NDUFS1: variants seen among roughly 807,000 people sequenced by gnomAD.
NDUFS1 encodes the protein NADH-ubiquinone oxidoreductase 75 kDa subunit, mitochondrial.
NDUFS1 carries 61 observed loss-of-function variants against 84.4 expected under a neutral mutation model. That is an observed-to-expected ratio of 0.72 (90% CI 0.59 to 0.89). The LOEUF (loss-of-function observed/expected upper bound fraction) is 0.89. Among genes scored for constraint, NDUFS1 ranks in the 40% least tolerant of loss-of-function variants. NDUFS1 has a pLI of 0.00. For missense variants in NDUFS1, 891 were observed against 890.0 expected, an observed-to-expected ratio of 1.00 and a Z score of -0.01; for synonymous variants, 275 against 290.0, an observed-to-expected ratio of 0.95 and a Z score of 0.53.
chr2:206,130,222 G>A lies in NDUFS1; in HGVS notation c.1574C>T (p.Ala525Val). ...CCCAGGCTTATAGCCAAGGTCCAAA[G>A]CAGCTACTTGACTTGCAATCCTGCA... ...ILHRIASQVA[A>V]LDLGYKPGVE... Residue 525 changes from alanine (A) to valine (V), a missense_variant, in exon 15 of 19, where the codon GCT becomes GTT. By Grantham distance (64) the Ala-to-Val change is moderately conservative (BLOSUM62 0). Coordinates refer to ENST00000233190, the MANE Select transcript of NDUFS1 (RefSeq NM_005006.7). 1 of 1,614,100 alleles carries A rather than the reference G, an allele frequency of 6.2e-7. No homozygotes were observed.
At chr2:206,158,413 G>A (rs1687762524) in intron 1 of NDUFS1, among the ~76,000 whole-genome samples, 1 of 152,052 alleles carries the variant, frequency 6.6e-6, no homozygotes, top group South Asian at 2.1e-4. Context: ...CAGTTTCATT[G>A]ACCAGGCTAT....
Position 206,147,676 on chromosome 2 carries a change from GAAA to G in NDUFS1, c.421-18_421-16del, listed in dbSNP as rs756137601. The G allele has an allele frequency of 1.2e-6, 2 of 1,614,038 alleles. No individual in the cohort carries two copies. The highest frequency in any genetic ancestry group is 2.2e-5 in the South Asian group (2 of 91,052). On this transcript the variant is annotated splice_polypyrimidine_tract_variant and intron_variant, in intron 6 of 18. Transcript: ENST00000233190. ...ATGGACTGGTCCTTAAGTAGATTAT[GAAA>G]GAGTCAATCTCATGCTGCTAATAAA...
chr2:206,156,447 C>T (rs1365523173), intron 1 of NDUFS1, among the ~76,000 whole-genome samples: 1 of 151,362 alleles, frequency 6.6e-6, no homozygotes, highest in East Asian at 1.9e-4. Flanking sequence ...TGGTGGCATG[C>T]GCCTGTGGTC....
chr2:206,138,802 T>G (rs533342137), intron 12 of NDUFS1, among the ~76,000 whole-genome samples, 188 bp from the exon 13 acceptor site: 2 of 152,292 alleles, frequency 1.3e-5, no homozygotes, highest in African/African-American at 4.8e-5. Flanking sequence ...GGCAATTCAG[T>G]GATTTAATTT....
intron 2 of NDUFS1, among the ~76,000 whole-genome samples, chr2:206,153,220 G>A (rs528156080): frequency 3.4e-5 from 5 of 148,600 alleles, no homozygotes; most frequent in Non-Finnish European, 7.4e-5. Context: ...TTCCAAGATG[G>A]AGTCTCGATC....
At chr2:206,124,412 C>G in intron 18 of NDUFS1, 136 bp from the exon 19 acceptor site, 1 of 684,126 alleles carries the variant, frequency 1.5e-6, no homozygotes, top group Non-Finnish European at 2.6e-6. Context: ...TATATGTAAC[C>G]AACAGATTCC....
chr2:206,148,991 G>A (rs775103939), intron 5 of NDUFS1, 29 bp downstream of exon 5: 1 of 1,494,968 alleles, frequency 6.7e-7, no homozygotes, highest in East Asian at 2.3e-5. Context: ...CTTTATGAAA[G>A]GGTACTACAT....
chr2:206,151,941 C>T (rs1692384978), intron 3 of NDUFS1, among the ~76,000 whole-genome samples: 1 of 152,192 alleles, frequency 6.6e-6, no homozygotes, highest in Non-Finnish European at 1.5e-5. Flanking sequence ...TCTCGGCTCA[C>T]TGCAACCTCC....
At position 206,127,559 on chromosome 2, in the gene NDUFS1, C is replaced by T. The variant is rs1575946003; in HGVS notation, c.1884+238G>A. 8 of 424,052 alleles carry T rather than the reference C, an allele frequency of 1.9e-5. No individual in the cohort carries two copies. The East Asian group carries it at 3.2e-4, about 17-fold the overall frequency. 26.3% of individuals were successfully genotyped at this position (424,052 alleles called of 1,614,324 possible). ...AAATAAAAGCACCAATTTCAAGTTC[C>T]TTTATTTTTTAAGAGACAGGGTCTT... On this transcript the variant is annotated intron_variant, in intron 16 of 18. Coordinates refer to ENST00000233190, the MANE Select transcript of NDUFS1 (RefSeq NM_005006.7).
rs1297596256 is a variant in NDUFS1 at position 206,123,298 on chromosome 2, G to A, written c.*887C>T. 2.0e-5 allele frequency: 3 copies of A among 150,330 alleles called. No individual in the cohort carries two copies. The highest frequency in any genetic ancestry group is 7.3e-5 in the African/African-American group (3 of 40,922). 9.3% of individuals were successfully genotyped at this position (150,330 alleles called of 1,614,324 possible). A position where few individuals can be genotyped will look rare whatever the true frequency, so the allele number is the denominator to read the frequency against. On this transcript the variant is annotated 3_prime_UTR_variant, in exon 19 of 19. Transcript: ENST00000233190. ...TCTCTTGAGACCTCCCTCATTCCAA[G>A]GGAGGTCTCATAAGTATACATGCAT...
intron 3 of NDUFS1, among the ~76,000 whole-genome samples, chr2:206,151,047 G>A (rs555834681): frequency 6.6e-6 from 1 of 152,066 alleles, no homozygotes; most frequent in East Asian, 1.9e-4. Flanking sequence ...CATTCCCATT[G>A]ACACTATCTA....
At chr2:206,132,887 C>A (rs1273783479) in intron 14 of NDUFS1, 58 bp downstream of exon 14, 1 of 1,438,938 alleles carries the variant, frequency 6.9e-7, no homozygotes, top group African/African-American at 1.4e-5. Context: ...ATCAGGAACA[C>A]ATACATATAC....
intron 10 of NDUFS1, among the ~76,000 whole-genome samples, chr2:206,143,362 A>G (rs1302508595): frequency 6.6e-6 from 1 of 152,220 alleles, no homozygotes; most frequent in African/African-American, 2.4e-5. Flanking sequence ...CTTAGAAGGA[A>G]GCTGTTTTAT....
chr2:206,143,930 G>C, intron 10 of NDUFS1, 88 bp downstream of exon 10: 1 of 1,069,314 alleles, frequency 9.4e-7, no homozygotes, highest in South Asian at 1.3e-5. Context: ...AAGTAAAAAA[G>C]GGAAGAAATA....
Position 206,126,529 on chromosome 2 carries a change from A to G in NDUFS1, c.2092+10T>C, listed in dbSNP as rs1559041683. On this transcript the variant is annotated intron_variant, in intron 18 of 18. Transcript: ENST00000233190. Reference sequence around the variant, plus strand: ...TCGTATTTGGCAGAGTCATGTTGACAATTACATACCTGTCATGTAGAAGTC... The same window carrying G: ...TCGTATTTGGCAGAGTCATGTTGACGATTACATACCTGTCATGTAGAAGTC... The G allele has an allele frequency of 1.2e-6, 2 of 1,613,596 alleles. No homozygotes were observed. Among genetic ancestry groups the G allele is most frequent in the East Asian group, 2.2e-5 (1 of 44,860 alleles).
rs1691573428 is a variant in NDUFS1, at chr2:206,133,004, T to C, written c.1494A>G (p.Gln498=). 1 of 1,613,898 alleles carries C rather than the reference T, an allele frequency of 6.2e-7. No homozygotes were observed. Among genetic ancestry groups the C allele is most frequent in the South Asian group, 1.1e-5 (1 of 91,066 alleles). ...AILAAVSSIA[Q]KIRMTSGVTG... The stretch of plus-strand genomic sequence containing the variant: ...TAACACCACTAGTCATCCGAATCTT[T>C]TGTGCAATGCTAGAAACAGCTGCAA... The change falls in exon 14 of 19, where the codon CAA becomes CAG. Residue 498 remains glutamine (Q), a synonymous_variant. Transcript: ENST00000233190.
chr2:206,125,470 TACACACAC>T (rs373368439), intron 18 of NDUFS1, among the ~76,000 whole-genome samples: 4 of 148,498 alleles, frequency 2.7e-5, no homozygotes, highest in Non-Finnish European at 4.5e-5. Flanking sequence ...TCAAAAATTA[TACACACAC>T]ACACACACAC....
At chr2:206,151,933 T>C (rs1692384552) in intron 3 of NDUFS1, among the ~76,000 whole-genome samples, 1 of 152,174 alleles carries the variant, frequency 6.6e-6, no homozygotes. Flanking sequence ...TGGCACAATC[T>C]CGGCTCACTG....
chr2:206,132,818 C>T (rs1173455993), intron 14 of NDUFS1, 127 bp downstream of exon 14: 1 of 800,962 alleles, frequency 1.2e-6, no homozygotes, highest in East Asian at 2.7e-5. Flanking sequence ...GTCTATATTT[C>T]ACATGTGTAA....
Sources: gnomAD v4.1 joint callset for allele counts (sites outside exome capture counted in the v4.1 genomes callset) on GRCh38, gnomAD v4.1.1 for gene constraint, MANE v1.5 for transcripts, NCBI Gene and HGNC (gene_info 2026-07-23, HGNC 2026-07-21) for gene names.